CTSS: variants seen among roughly 807,000 people sequenced by gnomAD.
CTSS encodes cathepsin S.
In CTSS, 15 loss-of-function variants were observed where a neutral mutation model predicts 39.9. The ratio of observed to expected loss-of-function variants is 0.38; its 90% CI spans 0.25 to 0.58. The LOEUF is 0.58. Ranked by LOEUF, CTSS falls within the 20% of genes least tolerant of loss-of-function variation. The pLI is 0.70. For synonymous variants in CTSS, 126 were observed against 138.2 expected (o/e 0.91, Z 0.62); for missense variants, 250 against 398.2 (o/e 0.63, Z 3.17).
At chr1:150,745,089 C>T (rs997425458) in intron 7 of CTSS, among the ~76,000 whole-genome samples, 1 of 152,094 alleles carries the variant, frequency 6.6e-6, no homozygotes, top group South Asian at 2.1e-4. Flanking sequence ...GCTACTTTCC[C>T]CATGGGCCAT....
intron 7 of CTSS, among the ~76,000 whole-genome samples, chr1:150,744,607 T>TACATAA (rs1365067391): frequency 8.6e-6 from 1 of 115,938 alleles, no homozygotes; most frequent in Non-Finnish European, 1.7e-5. Flanking sequence ...ATATTATGTA[T>TACATAA]TATATTATAT....
chr1:150,745,188 A>G (rs1332242091), intron 7 of CTSS, among the ~76,000 whole-genome samples: 2 of 152,148 alleles, frequency 1.3e-5, no homozygotes, highest in Non-Finnish European at 2.9e-5. Flanking sequence ...TACTTCAAGT[A>G]AAGATTTAAG....
At chr1:150,762,079 C>T (rs1653278881) in intron 2 of CTSS, among the ~76,000 whole-genome samples, 1 of 152,122 alleles carries the variant, frequency 6.6e-6, no homozygotes, top group South Asian at 2.1e-4. Flanking sequence ...TAGAAACAGA[C>T]ACATTTACCA....
At chr1:150,745,618 C>A (rs887286563) in intron 7 of CTSS, among the ~76,000 whole-genome samples, 1 of 152,016 alleles carries the variant, frequency 6.6e-6, no homozygotes, top group African/African-American at 2.4e-5. Context: ...ACATTGATCA[C>A]CCCACTGCAC....
chr1:150,736,941 C>G (rs1305246884), intron 7 of CTSS, among the ~76,000 whole-genome samples: 1 of 152,128 alleles, frequency 6.6e-6, no homozygotes, highest in African/African-American at 2.4e-5. Flanking sequence ...AGTTTGTTAA[C>G]TAAATGCCTA....
intron 7 of CTSS, among the ~76,000 whole-genome samples, chr1:150,744,619 TTA>T (rs1652854482): frequency 6.5e-5 from 7 of 108,210 alleles, no homozygotes; most frequent in Non-Finnish European, 7.6e-5. Context: ...ATATTATATA[TTA>T]TGTATATTAT....
rs1438587380 is a variant in CTSS, at chr1:150,754,439, T to TC, written c.399+561_399+562insG. Among the ~76,000 whole-genome samples the TC allele has an allele frequency of 8.6e-5, 13 of 150,382 alleles. No homozygotes were observed. In the South Asian group the frequency reaches 2.5e-3, roughly 29 times the overall value. On this transcript the variant is annotated intron_variant, in intron 4 of 7. Coordinates refer to ENST00000368985, the MANE Select transcript of CTSS (RefSeq NM_004079.5). ...CTCCCTTATACTTTACCTTTTTTTT[T>TC]TTTTTTGAGATGGAGTCTCGCTCTT... is the stretch of plus-strand genomic sequence containing the variant.
intron 6 of CTSS, among the ~76,000 whole-genome samples, chr1:150,749,675 G>GT (rs1467826030): frequency 6.7e-6 from 1 of 150,070 alleles, no homozygotes; most frequent in African/African-American, 2.5e-5. Flanking sequence ...TTAGAGACAG[G>GT]TTTTCACTCT....
intron 7 of CTSS, 107 bp from the exon 8 acceptor site, chr1:150,733,252 C>A: frequency 2.8e-6 from 2 of 712,936 alleles, no homozygotes; most frequent in Non-Finnish European, 2.3e-6. Context: ...TATGAAAGGC[C>A]GTAAAACAAA....
chr1:150,733,076 A>G lies in CTSS; in HGVS notation c.966T>C (p.Ile322=). ...TTTCTGGGTAAGAGGGAAAGCTAGC[A>G]ATCCCACAATGATTTCCTTTATTTC... ...MARNKGNHCG[I]ASFPSYPEI is the part of the protein sequence containing the mutation. The change falls in exon 8 of 8, where the codon ATT becomes ATC. Residue 322 remains isoleucine (I), a synonymous_variant. Coordinates refer to ENST00000368985, the MANE Select transcript of CTSS (RefSeq NM_004079.5). 6.2e-7 allele frequency: 1 copy of G among 1,613,294 alleles called. No individual in the cohort carries two copies. The highest frequency in any genetic ancestry group is 8.5e-7 in the Non-Finnish European group (1 of 1,179,348).
intron 7 of CTSS, among the ~76,000 whole-genome samples, chr1:150,746,674 A>G (rs1477770410): frequency 6.6e-6 from 1 of 152,214 alleles, no homozygotes; most frequent in Non-Finnish European, 1.5e-5. Context: ...AAGGAGAAGT[A>G]AACCAAAAGA....
chr1:150,747,178 A>G (rs1452806909), intron 7 of CTSS, among the ~76,000 whole-genome samples: 5 of 152,210 alleles, frequency 3.3e-5, no homozygotes, highest in Non-Finnish European at 7.3e-5. Flanking sequence ...AGATGAATCC[A>G]TCATATCTTA....
At chr1:150,733,496 G>A (rs952688767) in intron 7 of CTSS, among the ~76,000 whole-genome samples, 1 of 152,114 alleles carries the variant, frequency 6.6e-6, no homozygotes, top group Non-Finnish European at 1.5e-5. Context: ...AGTATCATGT[G>A]TAATGATTTT....
chr1:150,761,173 C>T (rs140729194), intron 2 of CTSS, among the ~76,000 whole-genome samples: 7 of 75,566 alleles, frequency 9.3e-5, no homozygotes, highest in East Asian at 4.3e-4. Flanking sequence ...AGCATGAATC[C>T]GCCTCAAAAA....
At chr1:150,744,638 T>C (rs1652855258) in intron 7 of CTSS, among the ~76,000 whole-genome samples, 2 of 140,960 alleles carry the variant, frequency 1.4e-5, no homozygotes, top group African/African-American at 5.2e-5. Context: ...TTATAGATTA[T>C]GTATGCATAC....
chr1:150,755,774 A>G (rs754325123), intron 3 of CTSS, among the ~76,000 whole-genome samples: 3 of 152,032 alleles, frequency 2.0e-5, no homozygotes, highest in African/African-American at 2.4e-5. Flanking sequence ...TGGTACTTCT[A>G]TATAGGTCAT....
chr1:150,734,670 A>G (rs1270521171), intron 7 of CTSS, among the ~76,000 whole-genome samples: 2 of 152,036 alleles, frequency 1.3e-5, no homozygotes, highest in African/African-American at 4.8e-5. Flanking sequence ...TAAAAACCAT[A>G]CTACTTACTG....
Position 150,751,777 on chromosome 1 carries a change from G to A in CTSS, c.627+4C>T, listed in dbSNP as rs770467962. 1.2e-5 allele frequency: 19 copies of A among 1,613,372 alleles called. No individual in the cohort carries two copies. Among genetic ancestry groups the A allele is most frequent in the African/African-American group, 1.1e-4 (8 of 74,908 alleles). On this transcript the variant is annotated splice_donor_region_variant and intron_variant, in intron 5 of 7. Transcript: ENST00000368985. ...GCAGCACAAAAAGTTTGCTTAAGAC[G>A]CACCATGGCTTTGTAGGGATAGGAA...
chr1:150,734,183 C>T (rs1208554075), intron 7 of CTSS, among the ~76,000 whole-genome samples: 1 of 151,946 alleles, frequency 6.6e-6, no homozygotes, highest in Non-Finnish European at 1.5e-5. Context: ...CATGTGCCAC[C>T]ACGACGGCTA....
Sources: allele counts gnomAD v4.1 joint callset (sites outside exome capture counted in the v4.1 genomes callset), GRCh38; gene constraint gnomAD v4.1.1; transcripts MANE v1.5; gene names NCBI Gene and HGNC (gene_info 2026-07-23, HGNC 2026-07-21).